Variants in WASF1 observed in about 807,000 individuals in gnomAD.
The protein encoded by WASF1 is WASP family member 1, also known as actin-binding protein WASF1.
WASF1 carries 7 observed loss-of-function variants against 50.5 expected under a neutral mutation model. The observed-to-expected ratio is 0.14, with a 90% CI of 0.08 to 0.26. The LOEUF (loss-of-function observed/expected upper bound fraction) is 0.26. WASF1 is among the 10% of genes least tolerant of loss of function. WASF1 has a pLI of 1.00. For synonymous variants in WASF1, 205 were observed against 244.0 expected (o/e 0.84, Z 1.49); for missense variants, 470 against 694.7 (o/e 0.68, Z 3.64).
intron 3 of WASF1, among the ~76,000 whole-genome samples, chr6:110,136,322 CA>C (rs1383042479): frequency 6.6e-6 from 1 of 151,960 alleles, no homozygotes; most frequent in African/African-American, 2.4e-5. Flanking sequence ...CTTTATTGTC[CA>C]AAATAGTCAA....
chr6:110,164,637 T>A (rs1455484615), intron 2 of WASF1, among the ~76,000 whole-genome samples: 2 of 151,726 alleles, frequency 1.3e-5, no homozygotes, highest in Non-Finnish European at 3.0e-5. Context: ...GAAGACAGTT[T>A]GGCAGTTTCT....
At chr6:110,170,781 A>G (rs1395895567) in intron 2 of WASF1, among the ~76,000 whole-genome samples, 1 of 152,128 alleles carries the variant, frequency 6.6e-6, no homozygotes, top group Non-Finnish European at 1.5e-5. Context: ...ACGAGTCAAA[A>G]CAAATCTGAA....
chr6:110,102,157 A>C lies in WASF1; in HGVS notation c.953T>G (p.Val318Gly), dbSNP rs374216854. 6.8e-7 allele frequency: 1 copy of C among 1,474,358 alleles called. No individual in the cohort carries two copies. Among genetic ancestry groups the C allele is most frequent in the African/African-American group, 1.4e-5 (1 of 70,568 alleles). 91.3% of individuals were successfully genotyped at this position (1,474,358 alleles called of 1,614,324 possible). A position where few individuals can be genotyped will look rare whatever the true frequency, so the allele number is the denominator to read the frequency against. ...AGGTGGGGGAGTGGGGCTCACAAACACAGGTGTTCTGCCTGTAGCTGGTGA... is the reference window on the plus strand; with the variant it reads ...AGGTGGGGGAGTGGGGCTCACAAACCCAGGTGTTCTGCCTGTAGCTGGTGA... ...PQSPATGRTP[V>G]FVSPTPPPPP... Residue 318 changes from valine (V) to glycine (G), a missense_variant, in exon 10 of 11, where the codon GTG becomes GGG. This residue lies in a region of WASF1 where 294 missense variants were observed against 343.5 expected (regional missense o/e 0.86). Coordinates refer to ENST00000392589, the MANE Select transcript of WASF1 (RefSeq NM_003931.3).
chr6:110,166,498 G>A (rs960964299), intron 2 of WASF1, among the ~76,000 whole-genome samples: 3 of 151,738 alleles, frequency 2.0e-5, no homozygotes, highest in African/African-American at 7.3e-5. Flanking sequence ...TGAAATGAAA[G>A]GTCTTTCAGT....
chr6:110,179,372 T>C lies in WASF1; in HGVS notation c.-272+67A>G, dbSNP rs571419756. 1.4e-4 allele frequency: 22 copies of C among 152,684 alleles called. No homozygotes were observed. The East Asian group carries it at 4.3e-3, about 30-fold the overall frequency. 9.5% of individuals were successfully genotyped at this position (152,684 alleles called of 1,614,324 possible). The stretch of plus-strand genomic sequence containing the variant: ...ACACCACTCGGTCTGCTCCGGCCAG[T>C]AAGGAAGAGTTCCTCTCCCAACACC... On this transcript the variant is annotated intron_variant, in intron 1 of 10. Transcript: ENST00000392589.
intron 3 of WASF1, among the ~76,000 whole-genome samples, chr6:110,154,316 A>C (rs921350213): frequency 6.6e-6 from 1 of 152,148 alleles, no homozygotes; most frequent in Non-Finnish European, 1.5e-5. Flanking sequence ...ACAATATCAT[A>C]TGGAAACACA....
At chr6:110,153,896 T>C (rs547801013) in intron 3 of WASF1, among the ~76,000 whole-genome samples, 6 of 152,224 alleles carry the variant, frequency 3.9e-5, no homozygotes, top group African/African-American at 1.4e-4. Context: ...TTAGAATGAA[T>C]AGAATATTAT....
chr6:110,160,955 T>A (rs779735519), intron 2 of WASF1, among the ~76,000 whole-genome samples: 18 of 151,462 alleles, frequency 1.2e-4, no homozygotes, highest in South Asian at 2.1e-4. Flanking sequence ...TTTGAAATTA[T>A]CTCGATGAAA....
chr6:110,147,254 G>A (rs1220412505), intron 3 of WASF1, among the ~76,000 whole-genome samples: 2 of 151,550 alleles, frequency 1.3e-5, no homozygotes, highest in African/African-American at 2.4e-5. Flanking sequence ...GCTGAGGCAG[G>A]AGAATGGCGT....
intron 4 of WASF1, among the ~76,000 whole-genome samples, chr6:110,116,905 C>T (rs1032677490): frequency 6.6e-6 from 1 of 152,094 alleles, no homozygotes; most frequent in African/African-American, 2.4e-5. Context: ...TGGAGTGGAC[C>T]TCAAGCAAAC....
At chr6:110,144,775 G>A (rs1418683353) in intron 3 of WASF1, among the ~76,000 whole-genome samples, 1 of 152,130 alleles carries the variant, frequency 6.6e-6, no homozygotes. Flanking sequence ...TTGTAGATAT[G>A]CGGCATTATT....
At chr6:110,122,212 AG>A (rs1774169923) in intron 4 of WASF1, among the ~76,000 whole-genome samples, 1 of 151,224 alleles carries the variant, frequency 6.6e-6, no homozygotes, top group Admixed American at 6.6e-5. Context: ...GTAAAGAAGC[AG>A]ATCTCCGATT....
At chr6:110,136,342 A>C (rs1228871175) in intron 3 of WASF1, among the ~76,000 whole-genome samples, 1 of 152,212 alleles carries the variant, frequency 6.6e-6, no homozygotes, top group Non-Finnish European at 1.5e-5. Context: ...AATTTTTGTA[A>C]ACATTCCAGG....
At chr6:110,161,011 T>TA (rs1404144032) in intron 2 of WASF1, among the ~76,000 whole-genome samples, 2 of 151,296 alleles carry the variant, frequency 1.3e-5, no homozygotes, top group South Asian at 2.1e-4. Flanking sequence ...ATTTTTTCAT[T>TA]AAAAAAAACT....
intron 3 of WASF1, among the ~76,000 whole-genome samples, chr6:110,132,957 G>GGT (rs1774756492): frequency 8.6e-6 from 1 of 116,664 alleles, no homozygotes; most frequent in African/African-American, 3.8e-5. Context: ...TGTATTCCAT[G>GGT]GTGTATACAC....
chr6:110,107,572 G>C (rs1773374880), intron 6 of WASF1, among the ~76,000 whole-genome samples: 1 of 152,120 alleles, frequency 6.6e-6, no homozygotes, highest in Admixed American at 6.5e-5. Context: ...AAATTTTGCA[G>C]TTTCTGCCAA....
At chr6:110,108,704 A>G (rs1338045338) in intron 5 of WASF1, 23 bp from the exon 6 acceptor site, 2 of 1,590,274 alleles carry the variant, frequency 1.3e-6, no homozygotes, top group African/African-American at 1.4e-5. Context: ...TCAAGAATTC[A>G]TTTTATTTTA....
Position 110,111,898 on chromosome 6 carries a change from C to A in WASF1, c.268+1428G>T, listed in dbSNP as rs1019848258. Among the ~76,000 whole-genome samples, 83 of 152,118 alleles carry A rather than the reference C, an allele frequency of 5.5e-4. 1 individual carries two copies. Among genetic ancestry groups the A allele is most frequent in the Non-Finnish European group, 7.4e-5 (5 of 68,024 alleles). ...ATATACTAAAAAACACTGAATTGTA[C>A]ACTTCAACTTTAAATGGGTGAACTG... is the stretch of plus-strand genomic sequence containing the variant. On this transcript the variant is annotated intron_variant, in intron 5 of 10. Coordinates refer to ENST00000392589, the MANE Select transcript of WASF1 (RefSeq NM_003931.3).
chr6:110,140,214 A>T (rs1161692844), intron 3 of WASF1, among the ~76,000 whole-genome samples: 1 of 152,226 alleles, frequency 6.6e-6, no homozygotes, highest in African/African-American at 2.4e-5. Flanking sequence ...CTAAACACTC[A>T]TAAGGATGGG....
Sources: allele counts gnomAD v4.1 joint callset (sites outside exome capture counted in the v4.1 genomes callset), GRCh38; gene constraint gnomAD v4.1.1; regional missense constraint gnomAD v4.1.1; transcripts MANE v1.5; gene names NCBI Gene and HGNC (gene_info 2026-07-23, HGNC 2026-07-21).